The following HES7 variants were observed in gnomAD, a reference collection of about 807,000 sequenced individuals.
HES7 encodes the protein hes family bHLH transcription factor 7, also known as transcription factor HES-7.
In HES7, 8 loss-of-function variants were observed where a neutral mutation model predicts 18.0. The ratio of observed to expected loss-of-function variants is 0.45; its 90% confidence interval spans 0.26 to 0.80. HES7 has a LOEUF of 0.80. Ranked by LOEUF, HES7 falls within the 30% of genes least tolerant of loss-of-function variation. The pLI is 0.18. For missense variants in HES7, 356 were observed against 340.9 expected, an observed-to-expected ratio of 1.04 and a Z score of -0.35; for synonymous variants, 170 against 158.6, an observed-to-expected ratio of 1.07 and a Z score of -0.54.
chr17:8,122,013 C>T lies in HES7; in HGVS notation c.251G>A (p.Arg84Gln), dbSNP rs375153301. Residue 84 changes from arginine (R) to glutamine (Q), a missense_variant, in exon 4 of 4, where the codon CGG (arginine) becomes CAG (glutamine). Arg to Gln is a conservative substitution (Grantham distance 43). Coordinates refer to ENST00000541682, the MANE Select transcript of HES7 (RefSeq NM_001165967.2). This position sits in a 1 kb window ranked among gnomAD's most constrained non-coding sequence, Gnocchi z 6.9. ...CGCCTCGGCGTCCTGGACTGGGGAC[C>T]GGGGAACCCCTGGAGCCGCGGCGGC... ...PPAAAAPGVP[R>Q]SPVQDAEALA... 6.6e-7 allele frequency: 1 copy of T among 1,522,230 alleles called. No individual in the cohort carries two copies. The allele number at this position is 1,522,230 out of a possible 1,614,324, so 94.3% of individuals were successfully genotyped here. A position where few individuals can be genotyped will look rare whatever the true frequency, so the allele number is the denominator to read the frequency against.
In HES7 at chr17:8,121,694, C is replaced by T; in HGVS notation, c.570G>A (p.Gly190=). The T allele has an allele frequency of 7.5e-7, 1 of 1,328,294 alleles. No individual in the cohort carries two copies. Among genetic ancestry groups the T allele is most frequent in the East Asian group, 3.1e-5 (1 of 32,192 alleles). The allele number at this position is 1,328,294 out of a possible 1,614,324, so 82.3% of individuals were successfully genotyped here. ...TGAGGGGCGCCGGCGCGCCAGAATCCCCGGCGCGCGGGGAGCAGAGGGATG... is the reference window on the plus strand; with the variant it reads ...TGAGGGGCGCCGGCGCGCCAGAATCTCCGGCGCGCGGGGAGCAGAGGGATG... ...WSPSLCSPRA[G]DSGAPAPLTG... Residue 190 remains glycine (G), a synonymous_variant, in exon 4 of 4, where the codon GGG becomes GGA. Transcript: ENST00000541682.
At position 8,121,117 on chromosome 17, in the gene HES7, C is replaced by G. The variant is rs74967814; in HGVS notation, c.*454G>C. The G allele has an allele frequency of 4.8e-3, 744 of 156,256 alleles. 5 individuals carry two copies. Among genetic ancestry groups the G allele is most frequent in the African/African-American group, 0.017 (700 of 41,672 alleles). 9.7% of individuals were successfully genotyped at this position (156,256 alleles called of 1,614,324 possible). ...TTCCACCTGGTTTCAATTTCGATCT[C>G]AGTTCCCGCTCTGCTCTCTTCTTTA... On this transcript the variant is annotated 3_prime_UTR_variant, in exon 4 of 4. Transcript: ENST00000541682.
chr17:8,122,894 G>T lies in HES7; in HGVS notation c.138+137C>A. 1 of 732,354 alleles carries T rather than the reference G, an allele frequency of 1.4e-6. No homozygotes were observed. The highest frequency in any genetic ancestry group is 2.5e-6 in the Non-Finnish European group (1 of 401,532). The allele number at this position is 732,354 out of a possible 1,614,324, so 45.4% of individuals were successfully genotyped here. Reference sequence around the variant, plus strand: ...TGAGAGCGAGTGGGGGTCTGGGATGGAATTCCAAAGGCGGGACTCGGGTGA... The same window carrying T: ...TGAGAGCGAGTGGGGGTCTGGGATGTAATTCCAAAGGCGGGACTCGGGTGA... On this transcript the variant is annotated intron_variant, in intron 2 of 3. Coordinates refer to ENST00000541682, the MANE Select transcript of HES7 (RefSeq NM_001165967.2). This position sits in a 1 kb window ranked among gnomAD's most constrained non-coding sequence, Gnocchi z 6.9.
rs1981485317 is a variant in HES7, at chr17:8,123,808, A to C, written c.42+235T>G. 3.3e-5 allele frequency among the ~76,000 whole-genome samples: 5 copies of C among 151,900 alleles called. No homozygotes were observed. Among genetic ancestry groups the C allele is most frequent in the Admixed American group, 2.6e-4 (4 of 15,266 alleles). ...CCTCCCCAGGCCACAAGGTGCCGAC[A>C]CCCATTACCGAGGCCCCTAGTCCTA... On this transcript the variant is annotated intron_variant, in intron 1 of 3. Coordinates refer to ENST00000541682, the MANE Select transcript of HES7 (RefSeq NM_001165967.2). The surrounding 1 kb of genome is among the most constrained non-coding windows in gnomAD (Gnocchi z 5.9).
rs998865174 is a variant in HES7 at position 8,123,475 on chromosome 17, C to T, written c.43-349G>A. ...GACTCTCTGCGCGCACGCACGTGCG[C>T]CGCACGGTGCCGGGCTCAGACCTGG... On this transcript the variant is annotated intron_variant, in intron 1 of 3. Transcript: ENST00000541682. This position sits in a 1 kb window ranked among gnomAD's most constrained non-coding sequence, Gnocchi z 5.9. 1.2e-5 allele frequency: 5 copies of T among 404,476 alleles called. No homozygotes were observed. In the East Asian group the frequency reaches 2.6e-4, roughly 21 times the overall value. The allele number at this position is 404,476 out of a possible 1,614,324, so 25.1% of individuals were successfully genotyped here. A position where few individuals can be genotyped will look rare whatever the true frequency, so the allele number is the denominator to read the frequency against.
Position 8,121,687 on chromosome 17 carries a change from C to T in HES7, c.577G>A (p.Gly193Ser). 2 of 1,327,018 alleles carry T rather than the reference C, an allele frequency of 1.5e-6. No homozygotes were observed. The highest frequency in any genetic ancestry group is 1.9e-6 in the Non-Finnish European group (2 of 1,045,046). 82.2% of individuals were successfully genotyped at this position (1,327,018 alleles called of 1,614,324 possible). A position where few individuals can be genotyped will look rare whatever the true frequency, so the allele number is the denominator to read the frequency against. ...AGTCCGGTGAGGGGCGCCGGCGCGC[C>T]AGAATCCCCGGCGCGCGGGGAGCAG... ...SLCSPRAGDS[G>S]APAPLTGLLP... Residue 193 changes from glycine (G) to serine (S), a missense_variant, in exon 4 of 4, where the codon GGC becomes AGC. Gly to Ser is a moderately conservative substitution (Grantham distance 56, BLOSUM62 0). Coordinates refer to ENST00000541682, the MANE Select transcript of HES7 (RefSeq NM_001165967.2).
At chr17:8,125,661 T>C (rs1981567124), upstream of HES7, among the ~76,000 whole-genome samples, 1 of 152,102 alleles carries the variant, frequency 6.6e-6, no homozygotes, top group South Asian at 2.1e-4. Context: ...TCGGGACCAC[T>C]TCCCTGGCCT....
At chr17:8,124,742 C>T (rs1044247511), upstream of HES7, among the ~76,000 whole-genome samples, 2 of 152,146 alleles carry the variant, frequency 1.3e-5, no homozygotes, top group African/African-American at 2.4e-5. Context: ...CCTGCAGGAT[C>T]TAATGGAAAA....
rs1330528421 is a variant in HES7, at chr17:8,122,031, G to C, written c.233C>G (p.Ala78Gly). 2 of 1,507,018 alleles carry C rather than the reference G, an allele frequency of 1.3e-6. No individual in the cohort carries two copies. Among genetic ancestry groups the C allele is most frequent in the Non-Finnish European group, 8.8e-7 (1 of 1,136,486 alleles). 93.4% of individuals were successfully genotyped at this position (1,507,018 alleles called of 1,614,324 possible). A position where few individuals can be genotyped will look rare whatever the true frequency, so the allele number is the denominator to read the frequency against. ...ERSRVEPPAA[A>G]APGVPRSPVQ... ...TGGGGACCGGGGAACCCCTGGAGCC[G>C]CGGCGGCTGGTGCGGCCGGCGGGAG... The change falls in exon 4 of 4, where the codon GCG (alanine) becomes GGG (glycine). Residue 78 changes from alanine (A) to glycine (G), a missense_variant. Physicochemically the swap from Ala to Gly is moderately conservative, Grantham distance 60. Transcript: ENST00000541682. The surrounding 1 kb of genome is among the most constrained non-coding windows in gnomAD (Gnocchi z 6.9).
chr17:8,125,652 C>G (rs1293470685), upstream of HES7, among the ~76,000 whole-genome samples: 1 of 152,182 alleles, frequency 6.6e-6, no homozygotes, highest in African/African-American at 2.4e-5. Context: ...GGCAACCATT[C>G]GGGACCACTT....
In HES7 at chr17:8,123,317, C is replaced by T. The variant is rs1981458516; in HGVS notation, c.43-191G>A. On this transcript the variant is annotated intron_variant, in intron 1 of 3. Coordinates refer to ENST00000541682, the MANE Select transcript of HES7 (RefSeq NM_001165967.2). This position sits in a 1 kb window ranked among gnomAD's most constrained non-coding sequence, Gnocchi z 5.9. The stretch of plus-strand genomic sequence containing the variant: ...TGCCCCTAGATCAGTTTCTGTAGCT[C>T]GCCTCCCCGGATCTTCGCATTCTCC... 1.6e-6 allele frequency: 1 copy of T among 609,566 alleles called. No homozygotes were observed. Among genetic ancestry groups the T allele is most frequent in the Non-Finnish European group, 2.9e-6 (1 of 339,584 alleles). The allele number at this position is 609,566 out of a possible 1,614,324, so 37.8% of individuals were successfully genotyped here.
upstream of HES7, chr17:8,124,213 C>G: frequency 9.3e-7 from 1 of 1,069,856 alleles, no homozygotes; most frequent in South Asian, 1.3e-5. Flanking sequence ...CTCTAGGACC[C>G]GGCACGAGGC....
At chr17:8,125,236 A>G (rs1308474110), upstream of HES7, among the ~76,000 whole-genome samples, 2 of 152,176 alleles carry the variant, frequency 1.3e-5, no homozygotes, top group African/African-American at 4.8e-5. Context: ...GCAGACCGAG[A>G]CGGAAGACAG....
At chr17:8,125,785 G>A (rs1250408831), upstream of HES7, among the ~76,000 whole-genome samples, 3 of 152,182 alleles carry the variant, frequency 2.0e-5, no homozygotes, top group Non-Finnish European at 4.4e-5. Flanking sequence ...CCTGCCACGC[G>A]GGAGGCCCGG....
At chr17:8,124,596 G>A (rs1309504698), upstream of HES7, among the ~76,000 whole-genome samples, 1 of 152,202 alleles carries the variant, frequency 6.6e-6, no homozygotes, top group South Asian at 2.1e-4. Flanking sequence ...CTGCCGGGAG[G>A]TTGGAGAGGC....
rs1284618119 is a variant in HES7, at chr17:8,120,735, G to C, written c.*836C>G. The C allele has an allele frequency of 6.6e-6, 1 of 152,420 alleles. No homozygotes were observed. The highest frequency in any genetic ancestry group is 1.5e-5 in the Non-Finnish European group (1 of 68,012). 9.4% of individuals were successfully genotyped at this position (152,420 alleles called of 1,614,324 possible). ...GGTTGCTCTCCCTCCCTGTTTTTTC[G>C]ACCCATGTGCGCCCTCTCTCTCACC... On this transcript the variant is annotated 3_prime_UTR_variant, in exon 4 of 4. Transcript: ENST00000541682.
chr17:8,126,213 T>TG (rs1191889965), upstream of HES7, among the ~76,000 whole-genome samples: 2 of 152,220 alleles, frequency 1.3e-5, no homozygotes, highest in Non-Finnish European at 2.9e-5. Flanking sequence ...CTTAAGTCTA[T>TG]GGGTCTATGC....
chr17:8,125,021 G>A (rs979892141), upstream of HES7, among the ~76,000 whole-genome samples: 2 of 151,386 alleles, frequency 1.3e-5, no homozygotes, highest in African/African-American at 4.8e-5. Context: ...GGTGACTGTA[G>A]GGTAGCAGGG....
Position 8,123,917 on chromosome 17 carries a change from T to C in HES7, c.42+126A>G, listed in dbSNP as rs1981490822. 1.0e-5 allele frequency: 11 copies of C among 1,049,682 alleles called. No homozygotes were observed. The highest frequency in any genetic ancestry group is 1.6e-5 in the African/African-American group (1 of 63,258). 65.0% of individuals were successfully genotyped at this position (1,049,682 alleles called of 1,614,324 possible). On this transcript the variant is annotated intron_variant, in intron 1 of 3. Transcript: ENST00000541682. The surrounding 1 kb of genome is among the most constrained non-coding windows in gnomAD (Gnocchi z 5.9). ...AGCTTCCTCTCCAGCTTCTGGCTCC[T>C]GGAGTTCTGGAGCACCGCTCCCCTT... is the stretch of plus-strand genomic sequence containing the variant.
Sources: allele counts gnomAD v4.1 joint callset (sites outside exome capture counted in the v4.1 genomes callset), GRCh38; gene constraint gnomAD v4.1.1; non-coding constraint Gnocchi (gnomAD v3.1); transcripts MANE v1.5; gene names NCBI Gene and HGNC (gene_info 2026-07-23, HGNC 2026-07-21).